Variants in GALNT10 observed in about 807,000 individuals in gnomAD.
GALNT10 encodes the protein polypeptide N-acetylgalactosaminyltransferase 10, also known as GalNAc transferase 10.
Under a neutral mutation model 75.0 loss-of-function variants are expected in GALNT10, and 41 were observed. That is an observed-to-expected ratio of 0.55 (90% CI 0.43 to 0.71). The LOEUF is 0.71. Ranked by LOEUF, GALNT10 falls within the 30% of genes least tolerant of loss-of-function variation. GALNT10 has a pLI of 0.00. For missense variants in GALNT10, 727 were observed against 818.5 expected (o/e 0.89, Z 1.36); for synonymous variants, 302 against 313.0 (o/e 0.96, Z 0.37).
chr5:154,313,590 G>A (rs1561658334), intron 3 of GALNT10, among the ~76,000 whole-genome samples: 1 of 152,184 alleles, frequency 6.6e-6, no homozygotes, highest in Non-Finnish European at 1.5e-5. Flanking sequence ...GGTTTGGCTG[G>A]CTCTCAGCAA....
At chr5:154,289,250 C>T (rs148830651) in intron 1 of GALNT10, among the ~76,000 whole-genome samples, 56 of 152,310 alleles carry the variant, frequency 3.7e-4, no homozygotes, top group African/African-American at 1.3e-3. Flanking sequence ...TCAGTTAATC[C>T]TCCCAACAGA....
rs750735143 is a variant in GALNT10 at position 154,420,339 on chromosome 5, T to C, written c.*3367T>C. ...TTTTTTCCTTAAGAAACAGGTGATG[T>C]CTTGGAAAACAGCTCCTTATGTCTC... On this transcript the variant is annotated 3_prime_UTR_variant, in exon 12 of 12. Transcript: ENST00000297107. 4.6e-5 allele frequency: 7 copies of C among 152,220 alleles called. No homozygotes were observed. Among genetic ancestry groups the C allele is most frequent in the Non-Finnish European group, 1.0e-4 (7 of 68,040 alleles). The allele number at this position is 152,220 out of a possible 1,614,324, so 9.4% of individuals were successfully genotyped here.
intron 6 of GALNT10, among the ~76,000 whole-genome samples, chr5:154,384,717 C>T (rs73283389): frequency 0.067 from 10,243 of 152,246 alleles, 436 homozygotes; most frequent in African/African-American, 0.12. Flanking sequence ...ACCTGCTTCT[C>T]GAGTGTTCCT....
At position 154,329,662 on chromosome 5, in the gene GALNT10, C is replaced by T. The variant is rs772485265; in HGVS notation, c.492C>T (p.Thr164=). 47 of 1,612,782 alleles carry T rather than the reference C, an allele frequency of 2.9e-5. No homozygotes were observed. Among genetic ancestry groups the T allele is most frequent in the Admixed American group, 5.0e-5 (3 of 60,004 alleles). Residue 164 remains threonine, a synonymous_variant, in exon 4 of 12, where the codon ACC becomes ACT. Coordinates refer to ENST00000297107, the MANE Select transcript of GALNT10 (RefSeq NM_198321.4). ...HNEGWSSLLR[T]VHSVLNRSPP... Reference sequence around the variant, plus strand: ...AGGGCTGGTCCTCCCTCCTCCGCACCGTCCACAGTGTGCTCAATCGCTCGC... The same window carrying T: ...AGGGCTGGTCCTCCCTCCTCCGCACTGTCCACAGTGTGCTCAATCGCTCGC...
chr5:154,291,240 T>C (rs1267127757), intron 1 of GALNT10, among the ~76,000 whole-genome samples: 2 of 152,178 alleles, frequency 1.3e-5, no homozygotes. Context: ...CCATTCCCAG[T>C]AGCACTGGAA....
intron 7 of GALNT10, among the ~76,000 whole-genome samples, chr5:154,396,381 G>A (rs889026): frequency 0.45 from 67,852 of 152,056 alleles, 17,642 homozygotes; most frequent in African/African-American, 0.71. Context: ...GAGGTGATAG[G>A]TGGGAGCAGG....
At chr5:154,290,448 A>G (rs1249549045) in intron 1 of GALNT10, among the ~76,000 whole-genome samples, 1 of 151,870 alleles carries the variant, frequency 6.6e-6, no homozygotes, top group Non-Finnish European at 1.5e-5. Flanking sequence ...TTTCCACCCT[A>G]CTGAAGGCCC....
chr5:154,266,005 TGA>T (rs994969996), intron 1 of GALNT10, among the ~76,000 whole-genome samples: 5 of 152,208 alleles, frequency 3.3e-5, no homozygotes, highest in Admixed American at 2.6e-4. Context: ...GCTTTCTTTC[TGA>T]GAGTCCAGCC....
At chr5:154,347,797 T>G (rs765728866) in intron 4 of GALNT10, among the ~76,000 whole-genome samples, 2 of 152,254 alleles carry the variant, frequency 1.3e-5, no homozygotes, top group Non-Finnish European at 2.9e-5. Flanking sequence ...GGAGAAGGAA[T>G]GAAAAACCAG....
At chr5:154,206,782 A>G (rs550415559) in intron 1 of GALNT10, among the ~76,000 whole-genome samples, 2 of 152,358 alleles carry the variant, frequency 1.3e-5, no homozygotes, top group East Asian at 3.9e-4. Flanking sequence ...AGGGTCCCTG[A>G]TTGCTAGGCC....
chr5:154,321,797 C>T (rs947434853), intron 3 of GALNT10, among the ~76,000 whole-genome samples: 1 of 119,506 alleles, frequency 8.4e-6, no homozygotes, highest in Admixed American at 1.1e-4. Context: ...AGAGCACCTG[C>T]CCCCTAGACA....
chr5:154,198,169 T>A (rs1184965978), intron 1 of GALNT10, among the ~76,000 whole-genome samples: 10 of 152,208 alleles, frequency 6.6e-5, no homozygotes, highest in Non-Finnish European at 1.5e-4. Flanking sequence ...GGGCTGCGTA[T>A]AGTGCTCTAG....
At chr5:154,233,996 C>T (rs766315326) in intron 1 of GALNT10, among the ~76,000 whole-genome samples, 1 of 152,092 alleles carries the variant, frequency 6.6e-6, no homozygotes, top group African/African-American at 2.4e-5. Flanking sequence ...GGGAGGGGCC[C>T]TAGCAATGTG....
At chr5:154,321,297 T>C (rs1262031889) in intron 3 of GALNT10, among the ~76,000 whole-genome samples, 1 of 137,658 alleles carries the variant, frequency 7.3e-6, no homozygotes, top group African/African-American at 2.7e-5. Context: ...ATGTCACAAG[T>C]TTCTCCTCAA....
At chr5:154,373,671 ACT>A (rs1424595632) in intron 4 of GALNT10, among the ~76,000 whole-genome samples, 1 of 151,874 alleles carries the variant, frequency 6.6e-6, no homozygotes, top group African/African-American at 2.4e-5. Flanking sequence ...CAGCTCTAAA[ACT>A]CTATGCCTTT....
chr5:154,255,835 TCCCTC>T (rs554610047), intron 1 of GALNT10, among the ~76,000 whole-genome samples: 20 of 151,316 alleles, frequency 1.3e-4, no homozygotes, highest in Non-Finnish European at 2.1e-4. Context: ...AAGCCTCCCT[TCCCTC>T]CCCTCCCCTC....
At chr5:154,262,149 T>C (rs1753707846) in intron 1 of GALNT10, among the ~76,000 whole-genome samples, 1 of 152,220 alleles carries the variant, frequency 6.6e-6, no homozygotes, top group Non-Finnish European at 1.5e-5. Context: ...GACAGTATCC[T>C]GCCTAGAATG....
chr5:154,290,780 G>T (rs1436405716), intron 1 of GALNT10, among the ~76,000 whole-genome samples: 3 of 152,168 alleles, frequency 2.0e-5, no homozygotes, highest in African/African-American at 7.2e-5. Flanking sequence ...AAAGGACATG[G>T]TTTTTATCCT....
chr5:154,222,530 A>G (rs1752998338), intron 1 of GALNT10, among the ~76,000 whole-genome samples: 1 of 152,220 alleles, frequency 6.6e-6, no homozygotes, highest in African/African-American at 2.4e-5. Flanking sequence ...TCTTTCTAAG[A>G]AACTGCCAAA....
Sources: gnomAD v4.1 joint callset for allele counts (sites outside exome capture counted in the v4.1 genomes callset) on GRCh38, gnomAD v4.1.1 for gene constraint, MANE v1.5 for transcripts, NCBI Gene and HGNC (gene_info 2026-07-23, HGNC 2026-07-21) for gene names.